The following CCDC149 variants were observed in gnomAD, a reference collection of about 807,000 sequenced individuals.
CCDC149 encodes the protein coiled-coil domain-containing protein 149.
Under a neutral mutation model 59.9 loss-of-function variants are expected in CCDC149, and 45 were observed. The observed-to-expected ratio is 0.75, with a 90% CI of 0.59 to 0.96. The LOEUF (loss-of-function observed/expected upper bound fraction) is 0.96. Among genes scored for constraint, CCDC149 ranks in the 40% least tolerant of loss-of-function variants. The pLI, the probability that CCDC149 is intolerant of heterozygous loss-of-function variation, is 0.00. For missense variants in CCDC149, 584 were observed against 664.7 expected, an observed-to-expected ratio of 0.88 and a Z score of 1.33; for synonymous variants, 245 against 260.6, an observed-to-expected ratio of 0.94 and a Z score of 0.58.
intron 8 of CCDC149, 21 bp from the exon 9 acceptor site, chr4:24,831,671 A>T: frequency 6.2e-7 from 1 of 1,606,042 alleles, no homozygotes; most frequent in Non-Finnish European, 8.5e-7. Context: ...TACAAAATGT[A>T]TAACTCAGTC....
chr4:24,820,696 G>A (rs1245544254), intron 11 of CCDC149, among the ~76,000 whole-genome samples: 3 of 152,082 alleles, frequency 2.0e-5, no homozygotes, highest in Admixed American at 1.3e-4. Flanking sequence ...ATCATAACAT[G>A]ATTCTTCATC....
At chr4:24,909,995 G>A (rs544774129) in intron 1 of CCDC149, among the ~76,000 whole-genome samples, 1 of 152,312 alleles carries the variant, frequency 6.6e-6, no homozygotes, top group South Asian at 2.1e-4. Context: ...ATACATTGCT[G>A]TAACAAATGA....
At chr4:24,968,854 C>T (rs1723880852) in intron 1 of CCDC149, among the ~76,000 whole-genome samples, 1 of 152,186 alleles carries the variant, frequency 6.6e-6, no homozygotes, top group African/African-American at 2.4e-5. Flanking sequence ...GCTAGTTGGC[C>T]ACCAACCCAT....
intron 1 of CCDC149, among the ~76,000 whole-genome samples, chr4:24,922,920 T>C (rs973104039): frequency 1.3e-5 from 2 of 150,882 alleles, no homozygotes; most frequent in African/African-American, 2.4e-5. Context: ...TAGATTTTCT[T>C]TTTTTTTTAT....
chr4:24,915,244 T>C (rs1251963681), upstream of CCDC149, among the ~76,000 whole-genome samples: 1 of 151,850 alleles, frequency 6.6e-6, no homozygotes, highest in Non-Finnish European at 1.5e-5. Context: ...TGCCAATATA[T>C]TGCCCTCTGG....
At chr4:24,898,162 C>T (rs1473624440) in intron 1 of CCDC149, among the ~76,000 whole-genome samples, 4 of 152,268 alleles carry the variant, frequency 2.6e-5, no homozygotes, top group Middle Eastern at 6.8e-3. Flanking sequence ...TCTGAAGCCC[C>T]GGGGAAGGGT....
chr4:24,874,244 G>GTTTTTTTTTTTTTGTTTTTTT (rs1719242320), intron 2 of CCDC149, among the ~76,000 whole-genome samples: 1 of 87,488 alleles, frequency 1.1e-5, no homozygotes, highest in African/African-American at 5.8e-5. Flanking sequence ...TATTAGATTT[G>GTTTTTTTTTTTTTGTTTTTTT]TTTTTTTTTT....
chr4:24,826,514 A>G (rs1055425235), intron 9 of CCDC149, among the ~76,000 whole-genome samples: 1 of 152,158 alleles, frequency 6.6e-6, no homozygotes, highest in Admixed American at 6.6e-5. Context: ...GGATGCAGGA[A>G]GAAAGGCAAA....
intron 3 of CCDC149, among the ~76,000 whole-genome samples, chr4:24,854,028 G>A (rs1717847283): frequency 6.6e-6 from 1 of 152,112 alleles, no homozygotes; most frequent in Non-Finnish European, 1.5e-5. Flanking sequence ...TCCATGGCCA[G>A]TCCATCAGCC....
At chr4:24,906,370 A>AT (rs1489184093) in intron 1 of CCDC149, among the ~76,000 whole-genome samples, 209 of 40,788 alleles carry the variant, frequency 5.1e-3, no homozygotes, top group African/African-American at 0.012. Context: ...AACAAATTTT[A>AT]TTTTATTTTA....
At chr4:24,921,156 A>G (rs1180823430) in intron 1 of CCDC149, among the ~76,000 whole-genome samples, 1 of 152,244 alleles carries the variant, frequency 6.6e-6, no homozygotes, top group Admixed American at 6.5e-5. Context: ...TCTTCTCATC[A>G]ATACTATAAA....
At chr4:24,865,923 T>A (rs1052537944) in intron 3 of CCDC149, among the ~76,000 whole-genome samples, 3 of 152,162 alleles carry the variant, frequency 2.0e-5, no homozygotes, top group African/African-American at 2.4e-5. Context: ...GGAGTGCTCC[T>A]AGGGACAGGA....
chr4:24,890,361 A>G (rs547029391), intron 1 of CCDC149, among the ~76,000 whole-genome samples: 11 of 151,666 alleles, frequency 7.3e-5, no homozygotes, highest in East Asian at 1.9e-4. Flanking sequence ...AGTTTTTTGG[A>G]AAAAAAAATT....
At chr4:24,853,039 G>C (rs764962883) in intron 4 of CCDC149, 33 bp downstream of exon 4, 1 of 1,360,804 alleles carries the variant, frequency 7.3e-7, no homozygotes, top group Non-Finnish European at 1.0e-6. Context: ...CAATGTTGCA[G>C]CAGAGCTTCT....
At chr4:24,967,262 T>C (rs1371220426) in intron 1 of CCDC149, among the ~76,000 whole-genome samples, 1 of 152,126 alleles carries the variant, frequency 6.6e-6, no homozygotes, top group Admixed American at 6.5e-5. Flanking sequence ...CACCCATCAA[T>C]ACCATTTGCT....
At chr4:24,918,534 G>T (rs948075217) in intron 1 of CCDC149, among the ~76,000 whole-genome samples, 6 of 152,178 alleles carry the variant, frequency 3.9e-5, no homozygotes, top group Non-Finnish European at 8.8e-5. Context: ...TAGGAGAATT[G>T]CCTCCCTGGG....
At chr4:24,930,657 G>GC (rs1404350670) in intron 1 of CCDC149, among the ~76,000 whole-genome samples, 3 of 152,016 alleles carry the variant, frequency 2.0e-5, no homozygotes, top group Non-Finnish European at 4.4e-5. Context: ...CCAACTCCCT[G>GC]CCCCCTCAAT....
chr4:24,936,843 AG>A (rs1203577086), intron 1 of CCDC149, among the ~76,000 whole-genome samples: 1 of 152,254 alleles, frequency 6.6e-6, no homozygotes, highest in Non-Finnish European at 1.5e-5. Context: ...GAATCAGCAA[AG>A]AATGGCCTGA....
chr4:24,857,183 GAC>G (rs1718066074), intron 3 of CCDC149, among the ~76,000 whole-genome samples: 1 of 152,132 alleles, frequency 6.6e-6, no homozygotes, highest in African/African-American at 2.4e-5. Context: ...GACATTCACT[GAC>G]CAATGTAACT....
Sources: allele counts gnomAD v4.1 joint callset (sites outside exome capture counted in the v4.1 genomes callset), GRCh38; gene constraint gnomAD v4.1.1; transcripts MANE v1.5; gene names NCBI Gene and HGNC (gene_info 2026-07-23, HGNC 2026-07-21).